NCOR1: variants seen among roughly 807,000 people sequenced by gnomAD.
NCOR1 encodes protein phosphatase 1, regulatory subunit 109.
A neutral mutation model predicts 288.1 loss-of-function variants in NCOR1; 63 were observed. The observed-to-expected ratio is 0.22, with a 90% CI of 0.18 to 0.27. The LOEUF (loss-of-function observed/expected upper bound fraction) is 0.27, where lower values mean the gene tolerates loss of function less well. Among genes scored for constraint, NCOR1 ranks in the 10% least tolerant of loss-of-function variants. The pLI is 1.00. For synonymous variants in NCOR1, 1,007 were observed against 1,065.9 expected, an observed-to-expected ratio of 0.94 and a Z score of 1.08; for missense variants, 2,397 against 3,019.2, an observed-to-expected ratio of 0.79 and a Z score of 4.83.
chr17:16,104,216 C>A (rs796997815), intron 19 of NCOR1, among the ~76,000 whole-genome samples: 9 of 151,840 alleles, frequency 5.9e-5, no homozygotes, highest in African/African-American at 2.2e-4. Flanking sequence ...ACAGTAGACT[C>A]AAATACTGGC....
At chr17:16,071,697 A>G in intron 29 of NCOR1, 32 bp from the exon 30 acceptor site, 2 of 1,590,324 alleles carry the variant, frequency 1.3e-6, no homozygotes, top group Middle Eastern at 3.4e-4. Context: ...CATTAAAATA[A>G]TGCTGATGGT....
chr17:16,049,940 G>C (rs147137765), intron 40 of NCOR1, among the ~76,000 whole-genome samples: 1 of 152,144 alleles, frequency 6.6e-6, no homozygotes, highest in East Asian at 1.9e-4. Flanking sequence ...GCCCAGGCAG[G>C]AGTACAGGAG....
chr17:16,087,233 T>C, intron 22 of NCOR1: 1 of 1,304,278 alleles, frequency 7.7e-7, no homozygotes, highest in Non-Finnish European at 1.0e-6. Context: ...TACTGACTTC[T>C]CTTGGAGAAA....
intron 22 of NCOR1, chr17:16,087,121 AC>A (rs1480808681): frequency 7.9e-5 from 98 of 1,245,600 alleles, no homozygotes; most frequent in Non-Finnish European, 1.0e-4. Flanking sequence ...CCCACGTGGA[AC>A]ATCTGTGGGT....
chr17:16,061,414 G>T lies in NCOR1; in HGVS notation c.5868C>A (p.Asp1956Glu), dbSNP rs745886015. Residue 1956 changes from aspartate (D) to glutamate (E), a missense_variant, in exon 37 of 46, where the codon GAC becomes GAA. By Grantham distance (45) the Asp-to-Glu change is conservative. Transcript: ENST00000268712. ...DARERGSQSS[D>E]SSSSLSSHRY... ...TGAGATACATACAGCTACTAGAAGA[G>T]TCTGAACTTTGAGAGCCACGTTCCC... 2 of 1,613,992 alleles carry T rather than the reference G, an allele frequency of 1.2e-6. No homozygotes were observed. Among genetic ancestry groups the T allele is most frequent in the South Asian group, 1.1e-5 (1 of 91,072 alleles).
chr17:16,086,234 CA>C, intron 23 of NCOR1, 47 bp downstream of exon 23: 1 of 1,568,872 alleles, frequency 6.4e-7, no homozygotes, highest in Non-Finnish European at 8.7e-7. Context: ...CAAGTTTTAA[CA>C]AAGCCATATT....
intron 3 of NCOR1, among the ~76,000 whole-genome samples, chr17:16,177,962 C>A (rs1439339251): frequency 6.6e-6 from 1 of 152,174 alleles, no homozygotes; most frequent in Non-Finnish European, 1.5e-5. Flanking sequence ...GTAATCCCAG[C>A]ATTTTGGGAG....
intron 19 of NCOR1, among the ~76,000 whole-genome samples, chr17:16,106,883 A>ATATATATATT (rs1164118180): frequency 6.4e-5 from 2 of 31,406 alleles, no homozygotes; most frequent in African/African-American, 1.4e-4. Context: ...ATATATATAT[A>ATATATATATT]TTTTTTTTTT....
intron 40 of NCOR1, among the ~76,000 whole-genome samples, chr17:16,050,084 CT>C (rs998451647): frequency 6.6e-6 from 1 of 151,900 alleles, no homozygotes; most frequent in African/African-American, 2.4e-5. Flanking sequence ...TTTATTATGT[CT>C]GGTGGCCCAT....
At position 16,057,565 on chromosome 17, in the gene NCOR1, C is replaced by G; in HGVS notation, c.6341G>C (p.Arg2114Thr). The G allele has an allele frequency of 6.2e-7, 1 of 1,614,136 alleles. No homozygotes were observed. Among genetic ancestry groups the G allele is most frequent in the East Asian group, 2.2e-5 (1 of 44,878 alleles). ...TTCTGGAGAGACCCTTGAACCTGGT[C>G]TTTGATGATGGACAGACTGAGCCTG... ...ESQAQSVHHQ[R>T]PGSRVSPENL... The change falls in exon 40 of 46, where the codon AGA becomes ACA. Residue 2114 changes from arginine (R) to threonine (T), a missense_variant. Arg to Thr is a moderately conservative substitution (Grantham distance 71, BLOSUM62 -1). This residue lies in a region of NCOR1 where 1,872 missense variants were observed against 2,187.8 expected (regional missense o/e 0.86). Transcript: ENST00000268712.
chr17:16,106,674 A>T (rs2068700416), intron 19 of NCOR1, among the ~76,000 whole-genome samples: 1 of 151,776 alleles, frequency 6.6e-6, no homozygotes, highest in Non-Finnish European at 1.5e-5. Flanking sequence ...ATTAGGAATA[A>T]GTATGAGATC....
chr17:16,071,293 C>A, intron 30 of NCOR1, 116 bp downstream of exon 30: 1 of 1,412,176 alleles, frequency 7.1e-7, no homozygotes, highest in Non-Finnish European at 9.6e-7. Flanking sequence ...AGGAAACTTT[C>A]ATGTTTACTT....
Position 16,205,950 on chromosome 17 carries a change from A to AG in NCOR1, c.-71+9411_-71+9412insC, listed in dbSNP as rs1365695469. On this transcript the variant is annotated intron_variant, in intron 1 of 45. Transcript: ENST00000268712. Reference sequence around the variant, plus strand: ...GATACTCCGTCTCAAAAAAAAAAAAAAAAGAAAGAAAGAAATACAACTCTC... The same window carrying AG: ...GATACTCCGTCTCAAAAAAAAAAAAAGAAAGAAAGAAAGAAATACAACTCTC... Among the ~76,000 whole-genome samples, 49 of 152,086 alleles carry AG rather than the reference A, an allele frequency of 3.2e-4. 1 individual carries two copies. The highest frequency in any genetic ancestry group is 6.8e-3 in the Middle Eastern group (2 of 294).
intron 15 of NCOR1, among the ~76,000 whole-genome samples, chr17:16,123,222 T>C (rs1053102619): frequency 1.3e-5 from 2 of 152,210 alleles, no homozygotes; most frequent in Non-Finnish European, 2.9e-5. Context: ...TTCATCATCA[T>C]TCAGGTTTAC....
At chr17:16,146,570 TTAA>T in intron 9 of NCOR1, 22 bp from the exon 10 acceptor site, 11 of 1,548,484 alleles carry the variant, frequency 7.1e-6, no homozygotes, top group Non-Finnish European at 8.7e-6. Context: ...CCGTAGCAAA[TTAA>T]TAATAATTAA....
intron 1 of NCOR1, among the ~76,000 whole-genome samples, chr17:16,212,260 C>T (rs941290670): frequency 2.0e-5 from 3 of 151,118 alleles, no homozygotes; most frequent in African/African-American, 7.3e-5. Flanking sequence ...GAGCGAGACC[C>T]TGTCTCAAAG....
rs183679654 is a variant in NCOR1, at chr17:16,125,423, G to A, written c.1634+659C>T. Among the ~76,000 whole-genome samples the A allele has an allele frequency of 3.8e-3, 577 of 151,774 alleles. 6 individuals are homozygous for A. Among genetic ancestry groups the A allele is most frequent in the African/African-American group, 0.013 (548 of 41,366 alleles). Reference sequence around the variant, plus strand: ...AAATTTCATTATTTAAAAATTACTAGGCTGGGCGCAGTGGCTCACGTCTAT... The same window carrying A: ...AAATTTCATTATTTAAAAATTACTAAGCTGGGCGCAGTGGCTCACGTCTAT... On this transcript the variant is annotated intron_variant, in intron 15 of 45. Transcript: ENST00000268712.
At chr17:16,194,036 T>A (rs1331149606) in intron 2 of NCOR1, among the ~76,000 whole-genome samples, 3 of 152,176 alleles carry the variant, frequency 2.0e-5, no homozygotes, top group Admixed American at 2.0e-4. Flanking sequence ...CTAACTACCA[T>A]CCCTTCCTTC....
intron 18 of NCOR1, among the ~76,000 whole-genome samples, chr17:16,111,588 C>T (rs920918384): frequency 3.3e-5 from 5 of 150,854 alleles, no homozygotes; most frequent in Admixed American, 1.3e-4. Flanking sequence ...GGTGACAGAG[C>T]GAAACTCCAT....
Sources: allele counts gnomAD v4.1 joint callset (sites outside exome capture counted in the v4.1 genomes callset), GRCh38; gene constraint gnomAD v4.1.1; regional missense constraint gnomAD v4.1.1; transcripts MANE v1.5; gene names NCBI Gene and HGNC (gene_info 2026-07-23, HGNC 2026-07-21).